Variants in MGA observed in about 807,000 individuals in gnomAD.
MGA encodes the protein MAX gene-associated protein.
MGA carries 40 observed loss-of-function variants against 261.1 expected under a neutral mutation model. That is an observed-to-expected ratio of 0.15 (90% CI 0.12 to 0.20). The LOEUF is 0.20. MGA is among the 10% of genes least tolerant of loss of function. MGA has a pLI of 1.00. For synonymous variants in MGA, 1,302 were observed against 1,290.6 expected (o/e 1.01, Z -0.19); for missense variants, 3,397 against 3,630.5 (o/e 0.94, Z 1.65).
chr15:41,659,885 C>A (rs2057295245), upstream of MGA, among the ~76,000 whole-genome samples: 1 of 152,232 alleles, frequency 6.6e-6, no homozygotes, highest in Non-Finnish European at 1.5e-5. Context: ...GTTGTAAACT[C>A]GACCATCCGT....
At chr15:41,699,241 C>A in intron 5 of MGA, 82 bp downstream of exon 5, 1 of 910,506 alleles carries the variant, frequency 1.1e-6, no homozygotes, top group Non-Finnish European at 1.6e-6. Context: ...CTCTCTCTTT[C>A]TCATCTCTTT....
chr15:41,760,686 G>T (rs2063402511), intron 20 of MGA, among the ~76,000 whole-genome samples, 157 bp downstream of exon 20: 1 of 152,072 alleles, frequency 6.6e-6, no homozygotes, highest in African/African-American at 2.4e-5. Flanking sequence ...AAATCCCTTA[G>T]GGGGAAAATC....
chr15:41,656,437 G>A (rs2150764454), upstream of MGA, among the ~76,000 whole-genome samples: 2 of 147,052 alleles, frequency 1.4e-5, no homozygotes, highest in South Asian at 4.3e-4. Flanking sequence ...TGCCCCCTGG[G>A]CTTAAACAGT....
At chr15:41,709,121 C>A (rs2060257217) in intron 7 of MGA, among the ~76,000 whole-genome samples, 2 of 152,022 alleles carry the variant, frequency 1.3e-5, no homozygotes, top group South Asian at 4.2e-4. Context: ...CCGAAGCAAG[C>A]GGATTGCCTG....
chr15:41,668,051 G>C (rs2057853468), intron 1 of MGA, among the ~76,000 whole-genome samples: 1 of 151,868 alleles, frequency 6.6e-6, no homozygotes, highest in Admixed American at 6.6e-5. Context: ...TGATCCACTG[G>C]CCTCAGCCTC....
At chr15:41,671,656 C>G (rs1052374671) in intron 2 of MGA, among the ~76,000 whole-genome samples, 2 of 152,132 alleles carry the variant, frequency 1.3e-5, no homozygotes, top group Non-Finnish European at 2.9e-5. Context: ...GAGTTTTAAA[C>G]CCAAGTTCAG....
intron 1 of MGA, among the ~76,000 whole-genome samples, chr15:41,626,094 CTG>C (rs995764902): frequency 4.6e-5 from 7 of 152,022 alleles, no homozygotes; most frequent in African/African-American, 1.4e-4. Flanking sequence ...GGAAAAAACA[CTG>C]TGTATAGGGT....
rs1436923639 is a variant in MGA, at chr15:41,745,292, A to T, written c.5212+2120A>T. Among the ~76,000 whole-genome samples, 38 of 149,316 alleles carry T rather than the reference A, an allele frequency of 2.5e-4. 1 individual carries two copies. Among genetic ancestry groups the T allele is most frequent in the Middle Eastern group, 3.5e-3 (1 of 284 alleles). ...CCAAGAATGATCAATAAAAAAAAAA[A>T]AAAAAAAAAAAAAAAGAGACAGCAT... is the stretch of plus-strand genomic sequence containing the variant. On this transcript the variant is annotated intron_variant, in intron 15 of 23. Transcript: ENST00000219905.
chr15:41,744,864 ATGTG>A (rs769190673), intron 15 of MGA, among the ~76,000 whole-genome samples: 25 of 152,072 alleles, frequency 1.6e-4, no homozygotes, highest in Non-Finnish European at 3.2e-4. Flanking sequence ...TTATATGTAA[ATGTG>A]TGTGTGTTTG....
chr15:41,661,296 C>T (rs2057380253), intron 1 of MGA, among the ~76,000 whole-genome samples: 1 of 152,058 alleles, frequency 6.6e-6, no homozygotes, highest in Non-Finnish European at 1.5e-5. Context: ...TCAAGTAGGT[C>T]TCTGCCCTCA....
intron 1 of MGA, among the ~76,000 whole-genome samples, chr15:41,649,599 G>A (rs2057000954): frequency 1.3e-5 from 2 of 152,092 alleles, no homozygotes; most frequent in South Asian, 2.1e-4. Flanking sequence ...GAAGGGAGAG[G>A]AGGATATGTA....
At chr15:41,651,547 T>A (rs1352663049) in intron 1 of MGA, among the ~76,000 whole-genome samples, 1 of 151,098 alleles carries the variant, frequency 6.6e-6, no homozygotes, top group African/African-American at 2.4e-5. Context: ...TCCTTCCCTG[T>A]ACATCTTCCC....
chr15:41,686,309 T>A (rs187662378), intron 2 of MGA, among the ~76,000 whole-genome samples: 6 of 152,162 alleles, frequency 3.9e-5, no homozygotes, highest in African/African-American at 1.4e-4. Flanking sequence ...GCCCAGGAGC[T>A]TGAAAGCAGC....
intron 1 of MGA, among the ~76,000 whole-genome samples, chr15:41,660,934 C>T (rs528738274): frequency 6.6e-6 from 1 of 152,276 alleles, no homozygotes; most frequent in South Asian, 2.1e-4. Context: ...GCCACGCTTA[C>T]GCGCTTTTCA....
At chr15:41,697,848 A>T (rs1027489247) in intron 3 of MGA, among the ~76,000 whole-genome samples, 3 of 152,058 alleles carry the variant, frequency 2.0e-5, no homozygotes, top group Non-Finnish European at 4.4e-5. Context: ...TTTTCTTGGA[A>T]ATTTTTATAG....
upstream of MGA, among the ~76,000 whole-genome samples, chr15:41,658,328 T>C (rs1382353741): frequency 6.6e-6 from 1 of 152,232 alleles, no homozygotes; most frequent in East Asian, 1.9e-4. Context: ...TTCGGTTATA[T>C]ATGGATGCCT....
chr15:41,749,317 A>G lies in MGA; in HGVS notation c.5710A>G (p.Ile1904Val). Residue 1904 changes from isoleucine to valine, a missense_variant, in exon 17 of 24, where the codon ATT becomes GTT. Around this residue, in one of 9 missense-constraint regions of MGA, gnomAD observed 1,410 missense variants for 1,386.4 expected, o/e 1.02. Coordinates refer to ENST00000219905, the MANE Select transcript of MGA (RefSeq NM_001164273.2). ...TCAGGCTGGTACATTGACCCTGAGG[A>G]TTTCTCCTCCTGAACCACAAAGCTT... 1 of 1,613,936 alleles carries G rather than the reference A, an allele frequency of 6.2e-7. No individual in the cohort carries two copies. The highest frequency in any genetic ancestry group is 8.5e-7 in the Non-Finnish European group (1 of 1,179,870).
At chr15:41,703,368 A>ACCGC (rs1567001763) in intron 5 of MGA, among the ~76,000 whole-genome samples, 1 of 93,250 alleles carries the variant, frequency 1.1e-5, no homozygotes, top group East Asian at 4.1e-4. Flanking sequence ...TTGTGAAGTT[A>ACCGC]CCCCCCCCCC....
At chr15:41,710,620 T>G in intron 7 of MGA, 71 bp from the exon 8 acceptor site, 2 of 1,401,174 alleles carry the variant, frequency 1.4e-6, no homozygotes, top group South Asian at 2.9e-5. Context: ...TTGGCCATTT[T>G]TAGTGTTTTT....
Sources: gnomAD v4.1 joint callset for allele counts (sites outside exome capture counted in the v4.1 genomes callset) on GRCh38, gnomAD v4.1.1 for gene constraint, gnomAD v4.1.1 regional missense constraint, MANE v1.5 for transcripts, NCBI Gene and HGNC (gene_info 2026-07-23, HGNC 2026-07-21) for gene names.